DACH1: variants seen among roughly 807,000 people sequenced by gnomAD.
DACH1 encodes dachshund family transcription factor 1, also known as dachshund homolog 1.
Under a neutral mutation model 54.2 loss-of-function variants are expected in DACH1, and 12 were observed. The observed-to-expected ratio is 0.22, with a 90% CI of 0.14 to 0.36. DACH1 has a LOEUF of 0.36. Among genes scored for constraint, DACH1 ranks in the 10% least tolerant of loss-of-function variants. The pLI, the probability that DACH1 is intolerant of heterozygous loss-of-function variation, is 1.00. For missense variants in DACH1, 805 were observed against 929.8 expected (o/e 0.87, Z 1.75); for synonymous variants, 386 against 366.2 (o/e 1.05, Z -0.62).
chr13:71,808,950 A>G (rs1234742092), intron 1 of DACH1, among the ~76,000 whole-genome samples: 2 of 152,244 alleles, frequency 1.3e-5, no homozygotes, highest in Admixed American at 6.5e-5. Context: ...ACACAAACAC[A>G]GGAATGAAAG....
intron 8 of DACH1, among the ~76,000 whole-genome samples, 199 bp downstream of exon 8, chr13:71,478,970 C>T (rs1209340494): frequency 6.6e-6 from 1 of 151,966 alleles, no homozygotes; most frequent in Non-Finnish European, 1.5e-5. Context: ...ATTTCAATTT[C>T]CTGAGGTAGG....
intron 8 of DACH1, among the ~76,000 whole-genome samples, chr13:71,476,799 A>G (rs1365920105): frequency 6.6e-6 from 1 of 151,936 alleles, no homozygotes; most frequent in Non-Finnish European, 1.5e-5. Flanking sequence ...ATATATATGT[A>G]TACATATGGT....
chr13:71,756,023 A>C (rs1453089510), intron 1 of DACH1, among the ~76,000 whole-genome samples: 1 of 151,906 alleles, frequency 6.6e-6, no homozygotes, highest in Non-Finnish European at 1.5e-5. Flanking sequence ...CGTAAACTAA[A>C]GACTTTTTTA....
intron 1 of DACH1, among the ~76,000 whole-genome samples, chr13:71,755,854 T>C (rs1885124431): frequency 6.6e-6 from 1 of 152,158 alleles, no homozygotes; most frequent in Admixed American, 6.5e-5. Flanking sequence ...ATGGAAACCA[T>C]TACTTTTAAA....
At chr13:71,634,925 C>A (rs571341002) in intron 2 of DACH1, among the ~76,000 whole-genome samples, 1 of 152,162 alleles carries the variant, frequency 6.6e-6, no homozygotes. Context: ...TAGAGAAAAA[C>A]AGTCTCTTAA....
chr13:71,541,895 A>AT (rs1158926322), intron 6 of DACH1, among the ~76,000 whole-genome samples: 2 of 127,176 alleles, frequency 1.6e-5, no homozygotes, highest in African/African-American at 5.7e-5. Context: ...AATTATTGAC[A>AT]TTTGTGGAAA....
intron 2 of DACH1, among the ~76,000 whole-genome samples, chr13:71,644,693 T>TTGGACAGAAA (rs1345366687): frequency 6.6e-6 from 1 of 152,106 alleles, no homozygotes; most frequent in Non-Finnish European, 1.5e-5. Context: ...CTAGCAGCAT[T>TTGGACAGAAA]TGGACAGAAC....
intron 6 of DACH1, among the ~76,000 whole-genome samples, chr13:71,518,687 G>C (rs1377718747): frequency 6.6e-6 from 1 of 151,566 alleles, no homozygotes; most frequent in East Asian, 1.9e-4. Context: ...CAATTTTTTT[G>C]AACCTTTTAG....
In DACH1 at chr13:71,559,936, G is replaced by A; in HGVS notation, c.1319C>T (p.Pro440Leu). 1 of 1,589,134 alleles carries A rather than the reference G, an allele frequency of 6.3e-7. No individual in the cohort carries two copies. Among genetic ancestry groups the A allele is most frequent in the Non-Finnish European group, 8.6e-7 (1 of 1,168,756 alleles). The change falls in exon 5 of 11, where the codon CCC (proline) becomes CTC (leucine). Residue 440 changes from proline (P) to leucine (L), a missense_variant. Physicochemically the swap from Pro to Leu is moderately conservative, Grantham distance 98. Transcript: ENST00000613252. ...SVIKERVPDS[P>L]SPAPSLEEGR... is the part of the protein sequence containing the mutation. ...CTCCTCCAGAGAGGGGGCAGGTGAG[G>A]GGCTATCAGGAACACGCTCCTGCAC...
At chr13:71,811,734 C>A (rs1319368384) in intron 1 of DACH1, among the ~76,000 whole-genome samples, 1 of 152,142 alleles carries the variant, frequency 6.6e-6, no homozygotes, top group African/African-American at 2.4e-5. Context: ...ACTGGAGCAT[C>A]CTTTGGCAAA....
At position 71,532,718 on chromosome 13, in the gene DACH1, A is replaced by T. The variant is rs532841810; in HGVS notation, c.1570+24306T>A. 3.9e-5 allele frequency among the ~76,000 whole-genome samples: 6 copies of T among 152,060 alleles called. No individual in the cohort carries two copies. In the South Asian group the frequency reaches 1.2e-3, roughly 31 times the overall value. ...ATAGATTTAGGAAAAAAATGCTTCT[A>T]TCTAAATAATCTATGACTACAGCTT... On this transcript the variant is annotated intron_variant, in intron 6 of 10. Coordinates refer to ENST00000613252, the MANE Select transcript of DACH1 (RefSeq NM_080759.6).
chr13:71,857,979 A>G (rs1396596292), intron 1 of DACH1, among the ~76,000 whole-genome samples: 1 of 151,690 alleles, frequency 6.6e-6, no homozygotes, highest in Non-Finnish European at 1.5e-5. Context: ...GCTACTAATA[A>G]AATATCAGGA....
At chr13:71,686,301 A>T (rs1881156639) in intron 1 of DACH1, among the ~76,000 whole-genome samples, 1 of 152,116 alleles carries the variant, frequency 6.6e-6, no homozygotes, top group Non-Finnish European at 1.5e-5. Flanking sequence ...AATATCCCAA[A>T]CACTAGGGAA....
At chr13:71,733,292 G>A (rs1323430094) in intron 1 of DACH1, among the ~76,000 whole-genome samples, 2 of 152,112 alleles carry the variant, frequency 1.3e-5, no homozygotes, top group African/African-American at 2.4e-5. Flanking sequence ...CTCTTGAGTA[G>A]CTGGGACTAC....
chr13:71,728,007 C>T (rs757548626), intron 1 of DACH1, among the ~76,000 whole-genome samples: 66 of 151,938 alleles, frequency 4.3e-4, no homozygotes, highest in Non-Finnish European at 6.5e-4. Flanking sequence ...TGATCAGGTG[C>T]GAAACTTAAT....
At chr13:71,532,411 T>C (rs1882474759) in intron 6 of DACH1, among the ~76,000 whole-genome samples, 2 of 151,978 alleles carry the variant, frequency 1.3e-5, no homozygotes, top group Non-Finnish European at 1.5e-5. Context: ...TTGACACTTT[T>C]GGAAATTTAC....
At position 71,660,345 on chromosome 13, in the gene DACH1, A is replaced by G. The variant is rs118070791; in HGVS notation, c.964+21450T>C. On this transcript the variant is annotated intron_variant, in intron 2 of 10. Coordinates refer to ENST00000613252, the MANE Select transcript of DACH1 (RefSeq NM_080759.6). ...ATAATTATATACAAGGGTTTTGAACATACAGCATGTCAATATTTCAGATCT... is the reference window on the plus strand; with the variant it reads ...ATAATTATATACAAGGGTTTTGAACGTACAGCATGTCAATATTTCAGATCT... Among the ~76,000 whole-genome samples, 695 of 152,252 alleles carry G rather than the reference A, an allele frequency of 4.6e-3. 4 individuals carry two copies. The highest frequency in any genetic ancestry group is 0.024 in the East Asian group (125 of 5,188).
At chr13:71,585,352 C>T (rs936542322) in intron 3 of DACH1, among the ~76,000 whole-genome samples, 4 of 152,142 alleles carry the variant, frequency 2.6e-5, no homozygotes, top group South Asian at 2.1e-4. Flanking sequence ...AAGGTAAAGA[C>T]TTTGCTGAGG....
chr13:71,521,827 T>G (rs982562177), intron 6 of DACH1, among the ~76,000 whole-genome samples: 1 of 152,142 alleles, frequency 6.6e-6, no homozygotes, highest in Non-Finnish European at 1.5e-5. Context: ...TTTGTAACTG[T>G]ACCTTTATCT....
Sources: gnomAD v4.1 joint callset for allele counts (sites outside exome capture counted in the v4.1 genomes callset) on GRCh38, gnomAD v4.1.1 for gene constraint, MANE v1.5 for transcripts, NCBI Gene and HGNC (gene_info 2026-07-23, HGNC 2026-07-21) for gene names.